TAS2R3: variants seen among roughly 807,000 people sequenced by gnomAD.
TAS2R3 encodes the protein taste 2 receptor member 3, also known as taste receptor type 2 member 3.
TAS2R3 carries 10 observed loss-of-function variants against 15.3 expected under a neutral mutation model. The observed-to-expected ratio is 0.65, with a 90% CI of 0.40 to 1.11. TAS2R3 has a LOEUF of 1.11. Ranked by LOEUF, TAS2R3 falls within the 50% of genes least tolerant of loss-of-function variation. TAS2R3 has a pLI of 0.00. For missense variants in TAS2R3, 383 were observed against 370.3 expected, an observed-to-expected ratio of 1.03 and a Z score of -0.28; for synonymous variants, 162 against 141.3, an observed-to-expected ratio of 1.15 and a Z score of -1.04.
At position 141,765,058 on chromosome 7, in the gene TAS2R3, G is replaced by A. The variant is rs750153842; in HGVS notation, c.900G>A (p.Arg300=). The A allele has an allele frequency of 4.6e-5, 74 of 1,613,966 alleles. No homozygotes were observed. Among genetic ancestry groups the A allele is most frequent in the Non-Finnish European group, 5.8e-5 (69 of 1,179,990 alleles). The part of the protein sequence containing the change: ...KLKQTFVVML[R]CESGHLKPGS... ...AGCAGACATTTGTAGTGATGCTCCG[G>A]TGTGAGTCTGGTCATCTGAAGCCTG... The change falls in exon 1 of 1, where the codon CGG becomes CGA. Residue 300 remains arginine (R), a synonymous_variant. Coordinates refer to ENST00000247879, the MANE Select transcript of TAS2R3 (RefSeq NM_016943.2).
rs756788212 is a variant in TAS2R3 at position 141,764,392 on chromosome 7, A to C, written c.234A>C (p.Ser78=). Residue 78 remains serine, a synonymous_variant, in exon 1 of 1, where the codon TCA becomes TCC. Coordinates refer to ENST00000247879, the MANE Select transcript of TAS2R3 (RefSeq NM_016943.2). ...AATTCTCTCCCAACACACATGATTC[A>C]GGGATAATAATGCAAATTATTGATG... The part of the protein sequence containing the change: ...LIEFSPNTHD[S]GIIMQIIDVS... The C allele has an allele frequency of 6.2e-7, 1 of 1,614,202 alleles. No individual in the cohort carries two copies. The highest frequency in any genetic ancestry group is 2.2e-5 in the East Asian group (1 of 44,876).
At chr7:141,764,675 AAGAAG>A in the TAS2R3 span, 3 of 1,614,164 alleles carry the variant, frequency 1.9e-6, no homozygotes, top group African/African-American at 2.7e-5. Flanking sequence ...ACACTTCAGA[AAGAAG>A]AGGAGTGAGT....
chr7:141,764,325 T>A lies in TAS2R3; in HGVS notation c.167T>A (p.Ile56Asn). The change falls in exon 1 of 1, where the codon ATC becomes AAC. Residue 56 changes from isoleucine (I) to asparagine (N), a missense_variant. Physicochemically the swap from Ile to Asn is moderately radical, Grantham distance 149 (BLOSUM62 -3). Transcript: ENST00000247879. ...ATCACCACCCTGGCACTCTTGAGGA[T>A]CATTCTGCTGTGTATTATCTTGACT... ...FIITTLALLR[I>N]ILLCIILTDS... is the part of the protein sequence containing the mutation. 1 of 1,614,192 alleles carries A rather than the reference T, an allele frequency of 6.2e-7. No homozygotes were observed. The highest frequency in any genetic ancestry group is 8.5e-7 in the Non-Finnish European group (1 of 1,180,032).
chr7:141,764,232 G>GT, the TAS2R3 span: 4 of 1,614,038 alleles, frequency 2.5e-6, no homozygotes, highest in East Asian at 6.7e-5. Context: ...CTGGTCAATT[G>GT]TTTCATTGAG....
chr7:141,765,050 A>G lies in TAS2R3; in HGVS notation c.892A>G (p.Met298Val), dbSNP rs765199794. Residue 298 changes from methionine (M) to valine (V), a missense_variant, in exon 1 of 1, where the codon ATG becomes GTG. Transcript: ENST00000247879. ...TAAGCTGAAGCAGACATTTGTAGTG[A>G]TGCTCCGGTGTGAGTCTGGTCATCT... ...NSKLKQTFVV[M>V]LRCESGHLKP... 6 of 1,614,152 alleles carry G rather than the reference A, an allele frequency of 3.7e-6. No homozygotes were observed. The highest frequency in any genetic ancestry group is 2.2e-5 in the East Asian group (1 of 44,870).
chr7:141,764,683 G>C lies in TAS2R3; in HGVS notation c.525G>C (p.Arg175Ser). 6.2e-7 allele frequency: 1 copy of C among 1,614,142 alleles called. No individual in the cohort carries two copies. The highest frequency in any genetic ancestry group is 1.1e-5 in the South Asian group (1 of 91,076). ...TGACTGAACACTTCAGAAAGAAGAG[G>C]AGTGAGTATTATCTGATCCATGTTC... Reference protein sequence around the residue: ...RNVTEHFRKKRSEYYLIHVLG... With the variant: ...RNVTEHFRKKSSEYYLIHVLG... Residue 175 changes from arginine (R) to serine (S), a missense_variant, in exon 1 of 1, where the codon AGG (arginine) becomes AGC (serine). Arg to Ser is a moderately radical substitution (Grantham distance 110, BLOSUM62 -1). Coordinates refer to ENST00000247879, the MANE Select transcript of TAS2R3 (RefSeq NM_016943.2).
At position 141,765,056 on chromosome 7, in the gene TAS2R3, C is replaced by A; in HGVS notation, c.898C>A (p.Arg300=). ...GAAGCAGACATTTGTAGTGATGCTC[C>A]GGTGTGAGTCTGGTCATCTGAAGCC... The part of the protein sequence containing the change: ...KLKQTFVVML[R]CESGHLKPGS... Residue 300 remains arginine (R), a synonymous_variant, in exon 1 of 1, where the codon CGG becomes AGG. Coordinates refer to ENST00000247879, the MANE Select transcript of TAS2R3 (RefSeq NM_016943.2). The A allele has an allele frequency of 6.2e-7, 1 of 1,614,036 alleles. No individual in the cohort carries two copies. The highest frequency in any genetic ancestry group is 1.6e-4 in the Middle Eastern group (1 of 6,062).
Position 141,764,128 on chromosome 7 carries a change from GAAC to G in TAS2R3, c.-28_-26del. ...AGGAGATTCTATGTATCAACAGAAA[GAAC>G]AAAGATCAGGGCTGCCTAATTGCTG... On this transcript the variant is annotated 5_prime_UTR_variant, in exon 1 of 1. Coordinates refer to ENST00000247879, the MANE Select transcript of TAS2R3 (RefSeq NM_016943.2). The G allele has an allele frequency of 6.3e-7, 1 of 1,581,076 alleles. No individual in the cohort carries two copies. Among genetic ancestry groups the G allele is most frequent in the Non-Finnish European group, 8.6e-7 (1 of 1,165,842 alleles).
chr7:141,764,363 A>G lies in TAS2R3; in HGVS notation c.205A>G (p.Ile69Val). The change falls in exon 1 of 1, where the codon ATA (isoleucine) becomes GTA (valine). Residue 69 changes from isoleucine to valine, a missense_variant. By Grantham distance (29) the Ile-to-Val change is conservative. Transcript: ENST00000247879. ...LCIILTDSFL[I>V]EFSPNTHDSG... ...TATTATCTTGACTGATAGTTTTTTA[A>G]TAGAATTCTCTCCCAACACACATGA... 6.2e-7 allele frequency: 1 copy of G among 1,614,142 alleles called. No individual in the cohort carries two copies. Among genetic ancestry groups the G allele is most frequent in the South Asian group, 1.1e-5 (1 of 91,068 alleles).
Position 141,764,680 on chromosome 7 carries a change from G to C in TAS2R3, c.522G>C (p.Lys174Asn), listed in dbSNP as rs369847198. Residue 174 changes from lysine to asparagine, a missense_variant, in exon 1 of 1, where the codon AAG (lysine) becomes AAC (asparagine). Lys to Asn is a moderately conservative substitution (Grantham distance 94). Transcript: ENST00000247879. ...TRNVTEHFRK[K>N]RSEYYLIHVL... ...ATGTGACTGAACACTTCAGAAAGAA[G>C]AGGAGTGAGTATTATCTGATCCATG... The C allele has an allele frequency of 6.2e-7, 1 of 1,614,174 alleles. No homozygotes were observed. The highest frequency in any genetic ancestry group is 8.5e-7 in the Non-Finnish European group (1 of 1,180,028).
chr7:141,764,333 C>T lies in TAS2R3; in HGVS notation c.175C>T (p.Leu59=). 1 of 1,614,204 alleles carries T rather than the reference C, an allele frequency of 6.2e-7. No homozygotes were observed. Among genetic ancestry groups the T allele is most frequent in the Non-Finnish European group, 8.5e-7 (1 of 1,180,044 alleles). Residue 59 remains leucine (L), a synonymous_variant, in exon 1 of 1, where the codon CTG becomes TTG. Coordinates refer to ENST00000247879, the MANE Select transcript of TAS2R3 (RefSeq NM_016943.2). ...TTLALLRIIL[L]CIILTDSFLI... ...CCTGGCACTCTTGAGGATCATTCTG[C>T]TGTGTATTATCTTGACTGATAGTTT...
chr7:141,765,172 C>T lies in TAS2R3; in HGVS notation c.*63C>T. 6.8e-7 allele frequency: 1 copy of T among 1,470,600 alleles called. No homozygotes were observed. Among genetic ancestry groups the T allele is most frequent in the Non-Finnish European group, 9.2e-7 (1 of 1,091,788 alleles). 91.1% of individuals were successfully genotyped at this position (1,470,600 alleles called of 1,614,324 possible). A position where few individuals can be genotyped will look rare whatever the true frequency, so the allele number is the denominator to read the frequency against. ...TGGCCTGGCTCAAGACTACAGGACT[C>T]TTCCTGACCTTCCTATGTTACCAGT... On this transcript the variant is annotated 3_prime_UTR_variant, in exon 1 of 1. Coordinates refer to ENST00000247879, the MANE Select transcript of TAS2R3 (RefSeq NM_016943.2).
In TAS2R3 at chr7:141,764,985, A is replaced by G. The variant is rs1800107735; in HGVS notation, c.827A>G (p.Tyr276Cys). The G allele has an allele frequency of 6.2e-7, 1 of 1,614,188 alleles. No homozygotes were observed. The highest frequency in any genetic ancestry group is 8.5e-7 in the Non-Finnish European group (1 of 1,180,030). ...KMIGEVMTMF[Y>C]PAGHSFILIL... ...ATTGGCGAAGTAATGACAATGTTTT[A>G]TCCTGCTGGCCACTCATTTATTCTC... Residue 276 changes from tyrosine (Y) to cysteine (C), a missense_variant, in exon 1 of 1, where the codon TAT becomes TGT. Transcript: ENST00000247879.
Position 141,765,021 on chromosome 7 carries a change from A to C in TAS2R3, c.863A>C (p.Asn288Thr), listed in dbSNP as rs544840677. 8.7e-6 allele frequency: 14 copies of C among 1,614,234 alleles called. No individual in the cohort carries two copies. In the South Asian group the frequency reaches 1.4e-4, roughly 16 times the overall value. Residue 288 changes from asparagine (N) to threonine (T), a missense_variant, in exon 1 of 1, where the codon AAC becomes ACC. Asn to Thr is a moderately conservative substitution (Grantham distance 65, BLOSUM62 0). Coordinates refer to ENST00000247879, the MANE Select transcript of TAS2R3 (RefSeq NM_016943.2). ...CACTCATTTATTCTCATTCTGGGGA[A>C]CAGTAAGCTGAAGCAGACATTTGTA... Reference protein sequence around the residue: ...AGHSFILILGNSKLKQTFVVM... With the variant: ...AGHSFILILGTSKLKQTFVVM...
chr7:141,764,831 A>G lies in TAS2R3; in HGVS notation c.673A>G (p.Thr225Ala). The stretch of plus-strand genomic sequence containing the variant: ...AAATGGGACAAGCTCCAGAGATCCA[A>G]CCACTGAGGCCCACAAGAGGGCCAT... ...LQNGTSSRDP[T>A]TEAHKRAIRI... Residue 225 changes from threonine (T) to alanine (A), a missense_variant, in exon 1 of 1, where the codon ACC becomes GCC. Physicochemically the swap from Thr to Ala is moderately conservative, Grantham distance 58. Coordinates refer to ENST00000247879, the MANE Select transcript of TAS2R3 (RefSeq NM_016943.2). 6.2e-7 allele frequency: 1 copy of G among 1,614,106 alleles called. No homozygotes were observed. Among genetic ancestry groups the G allele is most frequent in the South Asian group, 1.1e-5 (1 of 91,074 alleles).
chr7:141,764,283 C>A lies in TAS2R3; in HGVS notation c.125C>A (p.Ser42Tyr). 6.2e-7 allele frequency: 1 copy of A among 1,614,212 alleles called. No individual in the cohort carries two copies. Among genetic ancestry groups the A allele is most frequent in the Non-Finnish European group, 8.5e-7 (1 of 1,180,038 alleles). Residue 42 changes from serine to tyrosine, a missense_variant, in exon 1 of 1, where the codon TCT (serine) becomes TAT (tyrosine). By Grantham distance (144) the Ser-to-Tyr change is moderately radical. Transcript: ENST00000247879. The part of the protein sequence containing the change: ...GSSWFKTKRM[S>Y]LSDFIITTLA... ...AGCTGGTTCAAGACCAAGAGAATGT[C>A]TTTGTCTGACTTCATCATCACCACC...
rs767806124 is a variant in TAS2R3 at position 141,764,871 on chromosome 7, CCTT to C, written c.720_722del (p.Phe241del). 4.5e-5 allele frequency: 73 copies of C among 1,614,066 alleles called. No individual in the cohort carries two copies. Among genetic ancestry groups the C allele is most frequent in the African/African-American group, 1.2e-4 (9 of 74,934 alleles). ...AAGAGGGCCATCAGAATCATCCTTTCCTTCTTCTTTCTCTTCTTACTTTACTTT... is the reference window on the plus strand; with the variant it reads ...AAGAGGGCCATCAGAATCATCCTTTCCTTCTTTCTCTTCTTACTTTACTTT... On this transcript the variant is annotated inframe_deletion, in exon 1 of 1. Coordinates refer to ENST00000247879, the MANE Select transcript of TAS2R3 (RefSeq NM_016943.2).
Position 141,764,245 on chromosome 7 carries a change from G to C in TAS2R3, c.87G>C (p.Leu29Phe). ...LGILVNCFIE[L>F]VNGSSWFKTK... Reference sequence around the variant, plus strand: ...TTCTGGTCAATTGTTTCATTGAGTTGGTCAATGGTAGCAGCTGGTTCAAGA... The same window carrying C: ...TTCTGGTCAATTGTTTCATTGAGTTCGTCAATGGTAGCAGCTGGTTCAAGA... The change falls in exon 1 of 1, where the codon TTG becomes TTC. Residue 29 changes from leucine (L) to phenylalanine (F), a missense_variant. Coordinates refer to ENST00000247879, the MANE Select transcript of TAS2R3 (RefSeq NM_016943.2). 1 of 1,614,154 alleles carries C rather than the reference G, an allele frequency of 6.2e-7. No homozygotes were observed. Among genetic ancestry groups the C allele is most frequent in the Non-Finnish European group, 8.5e-7 (1 of 1,180,016 alleles).
At position 141,764,570 on chromosome 7, in the gene TAS2R3, C is replaced by A; in HGVS notation, c.412C>A (p.Leu138Met). The A allele has an allele frequency of 6.2e-7, 1 of 1,614,106 alleles. No individual in the cohort carries two copies. Among genetic ancestry groups the A allele is most frequent in the East Asian group, 2.2e-5 (1 of 44,882 alleles). Reference sequence around the variant, plus strand: ...GATGGTATGGATGCTGTTGGGTGCACTGCTCTTATCCTGTGGTAGTACCGC... The same window carrying A: ...GATGGTATGGATGCTGTTGGGTGCAATGCTCTTATCCTGTGGTAGTACCGC... Reference protein sequence around the residue: ...RVMVWMLLGALLLSCGSTASL... With the variant: ...RVMVWMLLGAMLLSCGSTASL... The change falls in exon 1 of 1, where the codon CTG (leucine) becomes ATG (methionine). Residue 138 changes from leucine to methionine, a missense_variant. By Grantham distance (15) the Leu-to-Met change is conservative. Transcript: ENST00000247879.
Sources: allele counts gnomAD v4.1 joint callset, GRCh38; gene constraint gnomAD v4.1.1; transcripts MANE v1.5; gene names NCBI Gene and HGNC (gene_info 2026-07-23, HGNC 2026-07-21).